Variants in DGKI observed in about 807,000 individuals in gnomAD.
DGKI encodes the protein DAG kinase iota.
Under a neutral mutation model 147.5 loss-of-function variants are expected in DGKI, and 55 were observed. The observed-to-expected ratio is 0.37, with a 90% CI of 0.30 to 0.47. DGKI has a LOEUF of 0.47. Among genes scored for constraint, DGKI ranks in the 20% least tolerant of loss-of-function variants. The pLI, the probability that DGKI is intolerant of heterozygous loss-of-function variation, is 1.00. For synonymous variants in DGKI, 469 were observed against 477.1 expected (o/e 0.98, Z 0.22); for missense variants, 1,007 against 1,323.8 (o/e 0.76, Z 3.71).
chr7:137,435,460 C>G (rs1528102), intron 28 of DGKI, among the ~76,000 whole-genome samples: 1 of 151,708 alleles, frequency 6.6e-6, no homozygotes, highest in East Asian at 1.9e-4. Context: ...TAGGAGGTGA[C>G]AGAAAGCTTA....
chr7:137,493,958 G>C (rs1815867718), intron 21 of DGKI: 1 of 549,384 alleles, frequency 1.8e-6, no homozygotes, highest in Non-Finnish European at 3.2e-6. Context: ...GCAGATGAAA[G>C]ATGAAATGAC....
At chr7:137,397,897 A>T (rs1811610361) in intron 30 of DGKI, among the ~76,000 whole-genome samples, 1 of 152,222 alleles carries the variant, frequency 6.6e-6, no homozygotes, top group African/African-American at 2.4e-5. Flanking sequence ...CCAGAAAGAA[A>T]TACTATGCAT....
chr7:137,846,355 G>T lies in DGKI; in HGVS notation c.401+107C>A. ...GAGGGGGAAAGGGGGAAGGAGAGGC[G>T]TGGAAACAGAGAGGTGCCCAACTCC... is the stretch of plus-strand genomic sequence containing the variant. On this transcript the variant is annotated intron_variant, in intron 1 of 32. Coordinates refer to ENST00000614521, the MANE Select transcript of DGKI (RefSeq NM_001321708.2). The surrounding 1 kb of genome is among the most constrained non-coding windows in gnomAD (Gnocchi z 4.0). The T allele has an allele frequency of 1.5e-6, 1 of 647,292 alleles. No homozygotes were observed. Among genetic ancestry groups the T allele is most frequent in the African/African-American group, 2.0e-5 (1 of 50,630 alleles). 40.1% of individuals were successfully genotyped at this position (647,292 alleles called of 1,614,324 possible). A position where few individuals can be genotyped will look rare whatever the true frequency, so the allele number is the denominator to read the frequency against.
chr7:137,488,431 C>T (rs1481874861), intron 21 of DGKI, among the ~76,000 whole-genome samples: 1 of 152,084 alleles, frequency 6.6e-6, no homozygotes, highest in Non-Finnish European at 1.5e-5. Flanking sequence ...TAGTGTCAAA[C>T]ACACACAGTG....
intron 1 of DGKI, among the ~76,000 whole-genome samples, chr7:137,830,840 G>A (rs1798196881): frequency 6.6e-6 from 1 of 152,182 alleles, no homozygotes; most frequent in Non-Finnish European, 1.5e-5. Flanking sequence ...AATGTAATGG[G>A]AAAAGATAGG....
At chr7:137,487,312 C>T (rs186223651) in intron 22 of DGKI, among the ~76,000 whole-genome samples, 3 of 152,218 alleles carry the variant, frequency 2.0e-5, no homozygotes, top group Admixed American at 2.0e-4. Flanking sequence ...TGTTGAAATT[C>T]TGAACATCTC....
intron 23 of DGKI, among the ~76,000 whole-genome samples, chr7:137,474,505 G>A (rs1019612514): frequency 6.6e-6 from 1 of 152,200 alleles, no homozygotes; most frequent in Non-Finnish European, 1.5e-5. Flanking sequence ...TGAAGAGCAG[G>A]CTAGGGACAG....
At chr7:137,463,731 G>T in intron 26 of DGKI, 120 bp from the exon 27 acceptor site, 1 of 1,135,222 alleles carries the variant, frequency 8.8e-7, no homozygotes, top group Non-Finnish European at 1.2e-6. Context: ...TCTTTATGAA[G>T]TGTTTACCAG....
rs1563183250 is a variant in DGKI at position 137,756,413 on chromosome 7, CG to C, written c.402-66412del. On this transcript the variant is annotated intron_variant, in intron 1 of 32. Transcript: ENST00000614521. ...CAAACACAGAAGAAAAAAAGTCATT[CG>C]GGAACCGTCAGAAAGGTTATTTTTG... Among the ~76,000 whole-genome samples the C allele has an allele frequency of 2.3e-4, 35 of 152,244 alleles. No homozygotes were observed. The South Asian group carries it at 3.7e-3, about 16-fold the overall frequency.
chr7:137,560,381 G>A (rs1818378215), intron 19 of DGKI, among the ~76,000 whole-genome samples: 1 of 151,974 alleles, frequency 6.6e-6, no homozygotes, highest in Admixed American at 6.6e-5. Flanking sequence ...GGAGAATTGA[G>A]CATAAAATAC....
chr7:137,664,411 G>GA (rs890884909), intron 3 of DGKI, among the ~76,000 whole-genome samples: 2 of 141,836 alleles, frequency 1.4e-5, no homozygotes, highest in African/African-American at 5.1e-5. Context: ...AAGAAAGAAA[G>GA]AAAAAAAAGG....
chr7:137,772,081 A>C (rs935504288), intron 1 of DGKI: 2 of 152,132 alleles, frequency 1.3e-5, no homozygotes, highest in African/African-American at 4.8e-5. Context: ...TTTAGGCCTC[A>C]CTCTTTGCAG....
intron 21 of DGKI, among the ~76,000 whole-genome samples, chr7:137,516,453 C>T (rs1321917970): frequency 6.6e-6 from 1 of 151,984 alleles, no homozygotes; most frequent in East Asian, 1.9e-4. Context: ...CTCATTCTTG[C>T]TTATATATTT....
intron 1 of DGKI, among the ~76,000 whole-genome samples, chr7:137,836,145 A>G (rs1563220279): frequency 6.6e-6 from 1 of 152,210 alleles, no homozygotes; most frequent in Non-Finnish European, 1.5e-5. Flanking sequence ...TTTAAAAAAA[A>G]TCCCTTAGAC....
intron 1 of DGKI, among the ~76,000 whole-genome samples, chr7:137,824,886 A>G (rs1444334137): frequency 6.6e-6 from 1 of 152,182 alleles, no homozygotes; most frequent in African/African-American, 2.4e-5. Flanking sequence ...AAAGAACACG[A>G]TCTCATCCCT....
At chr7:137,508,215 G>GTTTTTTTTTT (rs1366916796) in intron 21 of DGKI, among the ~76,000 whole-genome samples, 1 of 132,884 alleles carries the variant, frequency 7.5e-6, no homozygotes, top group African/African-American at 2.9e-5. Context: ...CTTTAGACAG[G>GTTTTTTTTTT]TTTCTTTTTT....
At chr7:137,439,705 T>G (rs1813420817) in intron 28 of DGKI, among the ~76,000 whole-genome samples, 1 of 152,214 alleles carries the variant, frequency 6.6e-6, no homozygotes, top group African/African-American at 2.4e-5. Context: ...TATTGAACAC[T>G]TTACACTAGT....
At chr7:137,754,662 A>G (rs569112123) in intron 1 of DGKI, among the ~76,000 whole-genome samples, 1 of 152,344 alleles carries the variant, frequency 6.6e-6, no homozygotes, top group African/African-American at 2.4e-5. Flanking sequence ...GATGCTAAGA[A>G]AAGAACAAGG....
intron 1 of DGKI, among the ~76,000 whole-genome samples, chr7:137,703,315 C>T (rs2116521888): frequency 6.6e-6 from 1 of 152,306 alleles, no homozygotes; most frequent in South Asian, 2.1e-4. Flanking sequence ...CCACGTGATC[C>T]AATCACCTTC....
Sources: gnomAD v4.1 joint callset for allele counts (sites outside exome capture counted in the v4.1 genomes callset) on GRCh38, gnomAD v4.1.1 for gene constraint, Gnocchi (gnomAD v3.1) non-coding constraint, MANE v1.5 for transcripts, NCBI Gene and HGNC (gene_info 2026-07-23, HGNC 2026-07-21) for gene names.